The following RBFOX1 variants were observed in gnomAD, a reference collection of about 807,000 sequenced individuals.
RBFOX1 encodes the protein RNA binding protein fox-1 homolog 1.
A neutral mutation model predicts 57.7 loss-of-function variants in RBFOX1; 8 were observed. The observed-to-expected ratio is 0.14, with a 90% CI of 0.08 to 0.25. The LOEUF is 0.25. RBFOX1 is among the 10% of genes least tolerant of loss of function. The probability of loss-of-function intolerance (pLI) is 1.00; values close to 1 mark genes in which losing one functional copy is unlikely to be tolerated. For synonymous variants in RBFOX1, 326 were observed against 222.4 expected (o/e 1.47, Z -4.15); for missense variants, 611 against 548.5 (o/e 1.11, Z -1.14).
At chr16:7,657,257 T>C (rs550220026) in intron 12 of RBFOX1, among the ~76,000 whole-genome samples, 1 of 152,296 alleles carries the variant, frequency 6.6e-6, no homozygotes, top group Admixed American at 6.5e-5. Flanking sequence ...ATAAAGATAG[T>C]CACACCAGTA....
intron 3 of RBFOX1, among the ~76,000 whole-genome samples, chr16:6,844,631 G>C (rs1190203331): frequency 1.3e-5 from 2 of 152,024 alleles, no homozygotes; most frequent in Admixed American, 6.6e-5. Context: ...ATCGTGAATA[G>C]TGCTGCAATT....
chr16:6,655,373 CAAAAAAA>C lies in RBFOX1; in HGVS notation c.-16+747_-16+753del, dbSNP rs71406388. On this transcript the variant is annotated intron_variant, in intron 3 of 15. Coordinates refer to ENST00000550418, the MANE Select transcript of RBFOX1 (RefSeq NM_018723.4). ...TGAGTGACAAAATAAGCCTCCGTTT[CAAAAAAA>C]AAAAAAAAAAAAAAAAAAAAAAAGA... is the stretch of plus-strand genomic sequence containing the variant. 6.2e-3 allele frequency among the ~76,000 whole-genome samples: 209 copies of C among 33,714 alleles called. 2 individuals are homozygous for C. Among genetic ancestry groups the C allele is most frequent in the Non-Finnish European group, 8.9e-3 (157 of 17,612 alleles). 22.1% of individuals were successfully genotyped at this position (33,714 alleles called of 152,430 possible).
intron 3 of RBFOX1, among the ~76,000 whole-genome samples, chr16:6,745,968 T>C (rs1053060307): frequency 1.3e-5 from 2 of 152,250 alleles, no homozygotes; most frequent in Non-Finnish European, 2.9e-5. Context: ...AATTCAATTA[T>C]ATTTTTATAT....
chr16:7,475,682 C>G (rs1160781327), intron 4 of RBFOX1, among the ~76,000 whole-genome samples: 1 of 152,150 alleles, frequency 6.6e-6, no homozygotes, highest in Non-Finnish European at 1.5e-5. Context: ...GGTTATAACT[C>G]TGGGTTTGCT....
chr16:7,221,305 A>G (rs1007368489), intron 4 of RBFOX1, among the ~76,000 whole-genome samples: 1 of 152,034 alleles, frequency 6.6e-6, no homozygotes, highest in Non-Finnish European at 1.5e-5. Context: ...TAAAACACAA[A>G]TATTAACTTT....
At chr16:5,788,979 G>A (rs1214526135) in intron 3 of RBFOX1, among the ~76,000 whole-genome samples, 1 of 152,154 alleles carries the variant, frequency 6.6e-6, no homozygotes, top group African/African-American at 2.4e-5. Flanking sequence ...CTATGTGGGA[G>A]TCAATGCTCT....
At chr16:6,521,463 C>T (rs1033811506) in intron 2 of RBFOX1, among the ~76,000 whole-genome samples, 1 of 133,920 alleles carries the variant, frequency 7.5e-6, no homozygotes, top group African/African-American at 2.8e-5. Context: ...CCCCTCTCCT[C>T]TCCTCTCTTC....
At chr16:6,342,346 T>G in intron 2 of RBFOX1, among the ~76,000 whole-genome samples, 1 of 152,114 alleles carries the variant, frequency 6.6e-6, no homozygotes, top group Non-Finnish European at 1.5e-5. Context: ...TTGACATGAA[T>G]TAGAGATAGA....
intron 3 of RBFOX1, among the ~76,000 whole-genome samples, chr16:6,793,815 G>A (rs191582557): frequency 9.1e-4 from 138 of 152,168 alleles, no homozygotes; most frequent in Admixed American, 3.5e-3. Flanking sequence ...TTGTTTCTTT[G>A]GTTAGTAGAA....
chr16:7,709,646 G>C (rs1172547354), intron 15 of RBFOX1: 3 of 1,528,624 alleles, frequency 2.0e-6, no homozygotes, highest in South Asian at 2.4e-5. Flanking sequence ...AAATAGAGAG[G>C]GGCACACTTT....
chr16:7,418,373 C>T (rs2098505069), intron 4 of RBFOX1, among the ~76,000 whole-genome samples: 1 of 152,190 alleles, frequency 6.6e-6, no homozygotes, highest in Non-Finnish European at 1.5e-5. Flanking sequence ...GTGTGGCAAA[C>T]AGCTTTGATA....
At chr16:6,197,171 A>G (rs542849444) in intron 1 of RBFOX1, among the ~76,000 whole-genome samples, 1 of 152,248 alleles carries the variant, frequency 6.6e-6, no homozygotes, top group Non-Finnish European at 1.5e-5. Context: ...TGTGGATACT[A>G]TGCATACGTC....
intron 3 of RBFOX1, among the ~76,000 whole-genome samples, chr16:6,905,552 C>CAAAA (rs55769867): frequency 7.0e-6 from 1 of 143,356 alleles, no homozygotes. Context: ...GACTCCATCT[C>CAAAA]AAAAAAAAAA....
chr16:6,396,871 A>C (rs1049813784), intron 2 of RBFOX1, among the ~76,000 whole-genome samples: 1 of 152,194 alleles, frequency 6.6e-6, no homozygotes, highest in Non-Finnish European at 1.5e-5. Flanking sequence ...TAAAGAAATA[A>C]CTAGTTATAT....
chr16:7,349,604 A>G (rs1157883171), intron 4 of RBFOX1, among the ~76,000 whole-genome samples: 1 of 152,138 alleles, frequency 6.6e-6, no homozygotes, highest in Non-Finnish European at 1.5e-5. Context: ...CTCAGAATCA[A>G]AATGAGGATG....
intron 4 of RBFOX1, among the ~76,000 whole-genome samples, chr16:7,433,608 C>A: frequency 6.6e-6 from 1 of 152,200 alleles, no homozygotes; most frequent in Non-Finnish European, 1.5e-5. Flanking sequence ...ACACTGACTT[C>A]ACGTGTTTGA....
chr16:6,349,673 C>A (rs1229572172), intron 2 of RBFOX1, among the ~76,000 whole-genome samples: 1 of 152,110 alleles, frequency 6.6e-6, no homozygotes, highest in African/African-American at 2.4e-5. Flanking sequence ...AGAGAGCAAA[C>A]CTGGCATTAA....
At chr16:5,626,845 C>G (rs1266599430) in intron 3 of RBFOX1, among the ~76,000 whole-genome samples, 2 of 148,890 alleles carry the variant, frequency 1.3e-5, no homozygotes, top group African/African-American at 5.2e-5. Flanking sequence ...ATCGTTTTAT[C>G]CAAATCATTT....
intron 4 of RBFOX1, among the ~76,000 whole-genome samples, chr16:7,347,582 C>T (rs146728815): frequency 1.2e-3 from 185 of 152,198 alleles, no homozygotes; most frequent in Non-Finnish European, 1.9e-3. Flanking sequence ...CTGGAATTAT[C>T]GAGCATTATC....
Sources: gnomAD v4.1 joint callset for allele counts (sites outside exome capture counted in the v4.1 genomes callset) on GRCh38, gnomAD v4.1.1 for gene constraint, MANE v1.5 for transcripts, NCBI Gene and HGNC (gene_info 2026-07-23, HGNC 2026-07-21) for gene names.